ARSB: variants seen among roughly 807,000 people sequenced by gnomAD.
ARSB encodes the protein N-acetylgalactosamine-4-sulfatase.
A neutral mutation model predicts 50.9 loss-of-function variants in ARSB; 41 were observed. The observed-to-expected ratio is 0.81, with a 90% confidence interval of 0.63 to 1.04. ARSB has a LOEUF of 1.04. ARSB is among the 50% of genes least tolerant of loss of function. The pLI is 0.00. For missense variants in ARSB, 672 were observed against 693.3 expected (o/e 0.97, Z 0.35); for synonymous variants, 269 against 284.8 (o/e 0.94, Z 0.56).
chr5:78,814,223 C>A (rs907561417), intron 6 of ARSB, among the ~76,000 whole-genome samples: 1 of 151,070 alleles, frequency 6.6e-6, no homozygotes, highest in African/African-American at 2.4e-5. Flanking sequence ...ACTCTGGCAT[C>A]TGAATTTAAT....
At chr5:78,795,069 A>T (rs980335475) in intron 6 of ARSB, among the ~76,000 whole-genome samples, 2 of 152,218 alleles carry the variant, frequency 1.3e-5, no homozygotes, top group African/African-American at 4.8e-5. Context: ...GTACATTGAA[A>T]GCCCATAATA....
chr5:78,804,530 C>T (rs745941280), intron 6 of ARSB, among the ~76,000 whole-genome samples: 5 of 152,180 alleles, frequency 3.3e-5, no homozygotes, highest in Middle Eastern at 3.2e-3. Flanking sequence ...GAAAACACCA[C>T]TAGGAGCAAA....
At chr5:78,947,165 C>T (rs557419592) in intron 4 of ARSB, among the ~76,000 whole-genome samples, 6 of 152,274 alleles carry the variant, frequency 3.9e-5, no homozygotes, top group South Asian at 2.1e-4. Flanking sequence ...AGAACACAAA[C>T]TATGCAACTA....
At chr5:78,977,715 T>G (rs1752728819) in intron 1 of ARSB, among the ~76,000 whole-genome samples, 1 of 152,090 alleles carries the variant, frequency 6.6e-6, no homozygotes, top group African/African-American at 2.4e-5. Context: ...TCCAGGGTAA[T>G]TAGGCAAGAC....
At chr5:78,780,689 T>C in intron 7 of ARSB, 27 bp from the exon 8 acceptor site, 1 of 1,613,440 alleles carries the variant, frequency 6.2e-7, no homozygotes, top group Non-Finnish European at 8.5e-7. Context: ...AACAGTTTAC[T>C]GAGGGAGAAG....
intron 6 of ARSB, among the ~76,000 whole-genome samples, chr5:78,794,831 T>G (rs1242973617): frequency 6.6e-6 from 1 of 152,210 alleles, no homozygotes; most frequent in Non-Finnish European, 1.5e-5. Flanking sequence ...ACTAAACATG[T>G]GCTGTTCTGT....
At chr5:78,958,310 C>T (rs1580126378) in intron 3 of ARSB, among the ~76,000 whole-genome samples, 1 of 152,228 alleles carries the variant, frequency 6.6e-6, no homozygotes, top group Admixed American at 6.5e-5. Flanking sequence ...TCATTAGCAG[C>T]AACATGGCAA....
chr5:78,857,573 A>T (rs12187361), intron 5 of ARSB, among the ~76,000 whole-genome samples: 18,877 of 152,194 alleles, frequency 0.12, 1,387 homozygotes, highest in Middle Eastern at 0.21. Flanking sequence ...GGGTGTTTTT[A>T]TTACAGCAAA....
At chr5:78,854,853 T>A (rs1561461961) in intron 5 of ARSB, among the ~76,000 whole-genome samples, 1 of 152,242 alleles carries the variant, frequency 6.6e-6, no homozygotes, top group Non-Finnish European at 1.5e-5. Flanking sequence ...GGGTATCGCA[T>A]GCTTAGCTGA....
chr5:78,875,498 G>T (rs1463685098), intron 5 of ARSB, among the ~76,000 whole-genome samples: 3 of 151,886 alleles, frequency 2.0e-5, no homozygotes, highest in Non-Finnish European at 4.4e-5. Flanking sequence ...ATTGTCTACT[G>T]GTGAGTATTA....
At position 78,964,432 on chromosome 5, in the gene ARSB, T is replaced by C. The variant is rs1419557932; in HGVS notation, c.674A>G (p.Asn225Ser). ...FTKRAIALIT[N>S]HPPEKPLFLY... ...AAAACTTACCTTCTCTGGTGGATGG[T>C]TAGTTATGAGGGCTATAGCCCTTTT... Residue 225 changes from asparagine (N) to serine (S), a missense_variant, in exon 3 of 8, where the codon AAC (asparagine) becomes AGC (serine). Coordinates refer to ENST00000264914, the MANE Select transcript of ARSB (RefSeq NM_000046.5). 1.2e-6 allele frequency: 2 copies of C among 1,613,918 alleles called. No homozygotes were observed. The highest frequency in any genetic ancestry group is 1.7e-5 in the Admixed American group (1 of 60,014).
intron 6 of ARSB, among the ~76,000 whole-genome samples, chr5:78,802,099 C>T (rs1381255601): frequency 6.6e-6 from 1 of 152,052 alleles, no homozygotes; most frequent in Non-Finnish European, 1.5e-5. Context: ...CCCTTCCCTG[C>T]TGCAAAGGTC....
intron 6 of ARSB, among the ~76,000 whole-genome samples, chr5:78,832,442 G>A (rs192735292): frequency 3.4e-4 from 51 of 152,188 alleles, no homozygotes; most frequent in Non-Finnish European, 6.2e-4. Context: ...AACTGATCTC[G>A]AGTATTTATA....
At chr5:78,971,789 A>G (rs1030174878) in intron 1 of ARSB, among the ~76,000 whole-genome samples, 5 of 152,232 alleles carry the variant, frequency 3.3e-5, no homozygotes, top group African/African-American at 1.2e-4. Flanking sequence ...ATGATAGTTA[A>G]GTTCACTATC....
rs112861216 is a variant in ARSB at position 78,938,385 on chromosome 5, G to A, written c.898+16910C>T. On this transcript the variant is annotated intron_variant, in intron 4 of 7. Coordinates refer to ENST00000264914, the MANE Select transcript of ARSB (RefSeq NM_000046.5). The stretch of plus-strand genomic sequence containing the variant: ...AAAGAGGTGGCATGAATTAATGACT[G>A]GCTATGGAAAAGTTCATTCAAGTCT... Among the ~76,000 whole-genome samples the A allele has an allele frequency of 1.0e-2, 1,523 of 152,328 alleles. 24 individuals are homozygous for A. Among genetic ancestry groups the A allele is most frequent in the African/African-American group, 0.035 (1,434 of 41,564 alleles).
intron 1 of ARSB, 76 bp downstream of exon 1, chr5:78,984,861 A>G (rs1753083421): frequency 7.7e-6 from 9 of 1,172,888 alleles, no homozygotes; most frequent in Non-Finnish European, 9.6e-6. Context: ...CCGCGGCCTC[A>G]AGGGCCGGGT....
At chr5:78,839,130 G>T (rs1745074849) in intron 6 of ARSB, among the ~76,000 whole-genome samples, 1 of 149,388 alleles carries the variant, frequency 6.7e-6, no homozygotes, top group South Asian at 2.1e-4. Flanking sequence ...TTAAAGGCTA[G>T]TAAGCGGCAG....
intron 3 of ARSB, 130 bp from the exon 4 acceptor site, chr5:78,955,632 T>C (rs778943102): frequency 2.3e-4 from 177 of 786,582 alleles, no homozygotes; most frequent in Non-Finnish European, 3.6e-4. Flanking sequence ...TTGAAAGTAT[T>C]TGTGAATCAC....
chr5:78,862,992 G>C (rs143121783), intron 5 of ARSB, among the ~76,000 whole-genome samples: 1 of 152,110 alleles, frequency 6.6e-6, no homozygotes, highest in African/African-American at 2.4e-5. Context: ...GCAGCCAACA[G>C]ACGCATGAAA....
Sources: gnomAD v4.1 joint callset for allele counts (sites outside exome capture counted in the v4.1 genomes callset) on GRCh38, gnomAD v4.1.1 for gene constraint, MANE v1.5 for transcripts, NCBI Gene and HGNC (gene_info 2026-07-23, HGNC 2026-07-21) for gene names.